ERC2: variants seen among roughly 807,000 people sequenced by gnomAD.
ERC2 encodes the protein ERC protein 2.
Under a neutral mutation model 114.8 loss-of-function variants are expected in ERC2, and 42 were observed. That is an observed-to-expected ratio of 0.37 (90% CI 0.29 to 0.47). ERC2 has a LOEUF of 0.47. ERC2 is among the 20% of genes least tolerant of loss of function. The pLI is 0.99. For synonymous variants in ERC2, 454 were observed against 425.5 expected (o/e 1.07, Z -0.82); for missense variants, 939 against 1,150.7 (o/e 0.82, Z 2.66).
At chr3:55,863,263 G>C (rs2062105778) in intron 14 of ERC2, among the ~76,000 whole-genome samples, 2 of 152,136 alleles carry the variant, frequency 1.3e-5, no homozygotes, top group African/African-American at 2.4e-5. Context: ...GATAGACTCA[G>C]TACTGGATAA....
chr3:56,056,558 A>G (rs1389517773), intron 7 of ERC2, among the ~76,000 whole-genome samples: 1 of 152,180 alleles, frequency 6.6e-6, no homozygotes, highest in Admixed American at 6.5e-5. Context: ...TGTATCATAC[A>G]TTATTATGTA....
intron 17 of ERC2, among the ~76,000 whole-genome samples, chr3:55,613,787 T>C (rs542874902): frequency 1.3e-5 from 2 of 151,716 alleles, no homozygotes; most frequent in Admixed American, 1.3e-4. Flanking sequence ...CAAGACCAGC[T>C]TGGCCAACAT....
chr3:55,966,904 AC>A (rs1276723263), intron 12 of ERC2, among the ~76,000 whole-genome samples: 1 of 152,198 alleles, frequency 6.6e-6, no homozygotes, highest in Non-Finnish European at 1.5e-5. Flanking sequence ...CCATCAGAGG[AC>A]AAACACACAA....
chr3:56,226,888 G>A (rs1205763158), intron 3 of ERC2, among the ~76,000 whole-genome samples: 1 of 152,004 alleles, frequency 6.6e-6, no homozygotes, highest in Non-Finnish European at 1.5e-5. Context: ...TTGCTGTATT[G>A]TAGATGCCCA....
chr3:55,691,720 G>T (rs2062680118), intron 16 of ERC2, among the ~76,000 whole-genome samples: 1 of 151,206 alleles, frequency 6.6e-6, no homozygotes, highest in African/African-American at 2.4e-5. Context: ...AAGATTCCTG[G>T]TTTTTTGTAT....
intron 17 of ERC2, among the ~76,000 whole-genome samples, chr3:55,633,578 G>A (rs572729588): frequency 1.3e-5 from 2 of 152,128 alleles, no homozygotes; most frequent in African/African-American, 4.8e-5. Context: ...TTATTTAACA[G>A]GTATTGAGAA....
chr3:56,268,963 G>A (rs1051667735), intron 3 of ERC2, among the ~76,000 whole-genome samples: 1 of 152,130 alleles, frequency 6.6e-6, no homozygotes, highest in Non-Finnish European at 1.5e-5. Flanking sequence ...ATTTGTGAGT[G>A]AGACCATTCC....
Position 56,007,723 on chromosome 3 carries a change from T to C in ERC2, c.1921-402A>G, listed in dbSNP as rs186181819. On this transcript the variant is annotated intron_variant, in intron 9 of 17. Transcript: ENST00000288221. ...GAAAGAAAATACTGACTTTAATGCA[T>C]CCGCTCCCAAGAGCAAGTCAAATAT... is the stretch of plus-strand genomic sequence containing the variant. Among the ~76,000 whole-genome samples the C allele has an allele frequency of 5.2e-4, 79 of 152,250 alleles. 1 individual carries two copies. In the East Asian group the frequency reaches 9.4e-3, roughly 18 times the overall value.
chr3:56,464,879 G>T (rs1388438994), intron 1 of ERC2, among the ~76,000 whole-genome samples: 1 of 142,988 alleles, frequency 7.0e-6, no homozygotes, highest in Admixed American at 7.0e-5. Flanking sequence ...TTTAAAAAAA[G>T]AAAAAAGAAA....
chr3:55,768,994 G>A (rs951279061), intron 14 of ERC2, among the ~76,000 whole-genome samples: 3 of 152,116 alleles, frequency 2.0e-5, no homozygotes, highest in Non-Finnish European at 4.4e-5. Flanking sequence ...TCTGTAAAAT[G>A]AGACATTGGA....
At chr3:55,607,141 T>C (rs770353448) in intron 17 of ERC2, among the ~76,000 whole-genome samples, 12 of 152,164 alleles carry the variant, frequency 7.9e-5, no homozygotes, top group African/African-American at 1.2e-4. Context: ...TCTGGAGATA[T>C]CGTAGTGACA....
intron 13 of ERC2, among the ~76,000 whole-genome samples, chr3:55,894,393 C>T (rs754467787): frequency 6.6e-5 from 10 of 151,814 alleles, no homozygotes; most frequent in Non-Finnish European, 1.0e-4. Flanking sequence ...ATTAAAATGC[C>T]CAGAAGAAGG....
At chr3:55,724,431 C>T (rs1266593740) in intron 15 of ERC2, among the ~76,000 whole-genome samples, 2 of 152,160 alleles carry the variant, frequency 1.3e-5, no homozygotes, top group Non-Finnish European at 1.5e-5. Flanking sequence ...TCAGGGATAG[C>T]TCCTGGGAAG....
At chr3:56,255,011 T>G (rs2052421320) in intron 3 of ERC2, among the ~76,000 whole-genome samples, 1 of 152,226 alleles carries the variant, frequency 6.6e-6, no homozygotes, top group South Asian at 2.1e-4. Flanking sequence ...AAATATTATA[T>G]CTCCATAATG....
At chr3:56,350,378 C>T (rs1362843466) in intron 2 of ERC2, among the ~76,000 whole-genome samples, 1 of 152,144 alleles carries the variant, frequency 6.6e-6, no homozygotes, top group African/African-American at 2.4e-5. Context: ...GGCATATGAG[C>T]CTTATTCATA....
chr3:55,739,077 A>G (rs1162172806), intron 14 of ERC2, among the ~76,000 whole-genome samples: 2 of 152,180 alleles, frequency 1.3e-5, no homozygotes, highest in Non-Finnish European at 2.9e-5. Flanking sequence ...ATGTCCCTGC[A>G]AAGGACATGA....
chr3:55,956,196 AT>A (rs557955076), intron 12 of ERC2, among the ~76,000 whole-genome samples: 27 of 152,318 alleles, frequency 1.8e-4, no homozygotes, highest in African/African-American at 6.0e-4. Context: ...GCATTATTGA[AT>A]GCTTTATGTC....
intron 17 of ERC2, among the ~76,000 whole-genome samples, chr3:55,591,582 T>C (rs909330581): frequency 2.8e-4 from 42 of 151,310 alleles, no homozygotes; most frequent in African/African-American, 9.5e-4. Context: ...TGCGTGTGTG[T>C]GTGTGTGTGT....
intron 3 of ERC2, among the ~76,000 whole-genome samples, chr3:56,267,606 C>T (rs11919266): frequency 0.26 from 33,855 of 129,500 alleles, 4,515 homozygotes; most frequent in Admixed American, 0.33. Context: ...CCCGTCTGTA[C>T]TAAAAATACA....
Sources: allele counts gnomAD v4.1 joint callset (sites outside exome capture counted in the v4.1 genomes callset), GRCh38; gene constraint gnomAD v4.1.1; transcripts MANE v1.5; gene names NCBI Gene and HGNC (gene_info 2026-07-23, HGNC 2026-07-21).